The following WDR25 variants were observed in gnomAD, a reference collection of about 807,000 sequenced individuals.
WDR25 encodes the protein WD repeat-containing protein 25.
In WDR25, 35 loss-of-function variants were observed where a neutral mutation model predicts 47.7. That is an observed-to-expected ratio of 0.73 (90% CI 0.56 to 0.97). The LOEUF is 0.97. Among genes scored for constraint, WDR25 ranks in the 50% least tolerant of loss-of-function variants. The pLI is 0.00. For synonymous variants in WDR25, 248 were observed against 278.9 expected, an observed-to-expected ratio of 0.89 and a Z score of 1.10; for missense variants, 634 against 704.7, an observed-to-expected ratio of 0.90 and a Z score of 1.14.
intron 2 of WDR25, among the ~76,000 whole-genome samples, chr14:100,408,513 C>G (rs1429815131): frequency 6.6e-6 from 1 of 152,002 alleles, no homozygotes; most frequent in African/African-American, 2.4e-5. Context: ...CCCTCCAGCG[C>G]CCCCTCTGTG....
intron 4 of WDR25, among the ~76,000 whole-genome samples, chr14:100,516,204 C>A (rs1476833460): frequency 2.6e-5 from 4 of 152,080 alleles, no homozygotes; most frequent in South Asian, 4.1e-4. Context: ...TTTGGTGGAA[C>A]AAAAACAGCC....
chr14:100,393,873 T>C (rs918734585), intron 2 of WDR25, among the ~76,000 whole-genome samples: 3 of 152,178 alleles, frequency 2.0e-5, no homozygotes, highest in Non-Finnish European at 2.9e-5. Context: ...CCTGAAATAC[T>C]GCACTTTACT....
At chr14:100,447,300 T>C (rs986188881) in intron 2 of WDR25, among the ~76,000 whole-genome samples, 7 of 152,242 alleles carry the variant, frequency 4.6e-5, no homozygotes, top group Admixed American at 3.3e-4. Context: ...AGAAATGGAC[T>C]GGAGACCCAT....
At chr14:100,382,112 G>A (rs977786132) in intron 2 of WDR25, 3 of 703,020 alleles carry the variant, frequency 4.3e-6, no homozygotes, top group Admixed American at 4.0e-5. Context: ...TGCCAGCTCT[G>A]TGCCTGGTGC....
At chr14:100,509,843 A>C (rs1327945458) in intron 4 of WDR25, among the ~76,000 whole-genome samples, 1 of 152,116 alleles carries the variant, frequency 6.6e-6, no homozygotes, top group African/African-American at 2.4e-5. Context: ...TGGATAATCA[A>C]ATTTCTGCAG....
intron 4 of WDR25, among the ~76,000 whole-genome samples, chr14:100,518,849 G>A (rs888250058): frequency 5.3e-5 from 8 of 151,470 alleles, no homozygotes; most frequent in Non-Finnish European, 7.4e-5. Context: ...AGCCAAGATC[G>A]TGCCACTGCA....
At chr14:100,472,667 T>A (rs1264694925) in intron 3 of WDR25, among the ~76,000 whole-genome samples, 1 of 152,248 alleles carries the variant, frequency 6.6e-6, no homozygotes, top group East Asian at 1.9e-4. Flanking sequence ...CTTACAGATG[T>A]GCTGTTGGTC....
intron 2 of WDR25, among the ~76,000 whole-genome samples, chr14:100,453,418 G>C (rs1899103397): frequency 6.6e-6 from 1 of 152,160 alleles, no homozygotes; most frequent in Non-Finnish European, 1.5e-5. Flanking sequence ...TACTTCATAG[G>C]GCTGTGGAGA....
chr14:100,457,529 G>A (rs992358735), intron 2 of WDR25, among the ~76,000 whole-genome samples: 1 of 152,182 alleles, frequency 6.6e-6, no homozygotes, highest in Non-Finnish European at 1.5e-5. Flanking sequence ...AAGTGATTTC[G>A]CCGTCAGCAA....
chr14:100,463,332 T>G (rs1443758414), intron 2 of WDR25, among the ~76,000 whole-genome samples: 1 of 152,218 alleles, frequency 6.6e-6, no homozygotes, highest in East Asian at 1.9e-4. Context: ...GTGTGTCTGT[T>G]CTCATTCTCA....
rs559582263 is a variant in WDR25, at chr14:100,430,575, C to G, written c.823-37446C>G. Among the ~76,000 whole-genome samples, 2 of 152,288 alleles carry G rather than the reference C, an allele frequency of 1.3e-5. No homozygotes were observed. The highest frequency in any genetic ancestry group is 4.8e-5 in the African/African-American group (2 of 41,548). On this transcript the variant is annotated intron_variant, in intron 2 of 6. Transcript: ENST00000402312. This position sits in a 1 kb window ranked among gnomAD's most constrained non-coding sequence, Gnocchi z 4.7. ...CGGCTAGTCTTGATGTGCAAAATGG[C>G]TTCATGTACTGATAACCTCGTACCT...
At chr14:100,527,103 G>A (rs903663967) in intron 5 of WDR25, among the ~76,000 whole-genome samples, 4 of 148,326 alleles carry the variant, frequency 2.7e-5, no homozygotes, top group South Asian at 2.2e-4. Context: ...GATCACTGCC[G>A]TCATTACACC....
intron 2 of WDR25, among the ~76,000 whole-genome samples, chr14:100,446,128 G>T (rs1898824978): frequency 6.6e-6 from 1 of 152,214 alleles, no homozygotes; most frequent in South Asian, 2.1e-4. Flanking sequence ...GGGAAGGGTA[G>T]CCATGAAGCT....
intron 4 of WDR25, among the ~76,000 whole-genome samples, chr14:100,509,009 A>G (rs1211351702): frequency 6.6e-6 from 1 of 152,144 alleles, no homozygotes; most frequent in Non-Finnish European, 1.5e-5. Flanking sequence ...TTTAAAATCT[A>G]TGTTAATGAG....
intron 4 of WDR25, among the ~76,000 whole-genome samples, chr14:100,512,634 GA>G (rs1281311718): frequency 6.6e-6 from 1 of 151,968 alleles, no homozygotes; most frequent in Non-Finnish European, 1.5e-5. Flanking sequence ...CAAAAACCTT[GA>G]ATTTAATTTT....
At chr14:100,377,173 C>T (rs1343282696) in intron 1 of WDR25, among the ~76,000 whole-genome samples, 1 of 152,214 alleles carries the variant, frequency 6.6e-6, no homozygotes, top group Non-Finnish European at 1.5e-5. Flanking sequence ...CGGGACCAGG[C>T]TTAGCATTTA....
In WDR25 at chr14:100,392,401, A is replaced by G. The variant is rs988001550; in HGVS notation, c.822+10655A>G. ...GTTAGCTCTCCAAACTGTGTGATGA[A>G]AACGTGATCCCAGGGGTCCAAGCCT... On this transcript the variant is annotated intron_variant, in intron 2 of 6. Transcript: ENST00000402312. The surrounding 1 kb of genome is among the most constrained non-coding windows in gnomAD (Gnocchi z 4.2). Among the ~76,000 whole-genome samples, 5 of 151,674 alleles carry G rather than the reference A, an allele frequency of 3.3e-5. No individual in the cohort carries two copies. The highest frequency in any genetic ancestry group is 1.2e-4 in the African/African-American group (5 of 41,240).
At chr14:100,417,475 A>G (rs776056988) in intron 2 of WDR25, among the ~76,000 whole-genome samples, 30 of 151,994 alleles carry the variant, frequency 2.0e-4, no homozygotes, top group Non-Finnish European at 4.0e-4. Flanking sequence ...TCCAACCCCC[A>G]CCATCCTGTT....
rs1229768394 is a variant in WDR25 at position 100,381,379 on chromosome 14, G to GT, written c.456dup (p.Glu153Ter). The GT allele has an allele frequency of 6.2e-7, 1 of 1,614,120 alleles. No homozygotes were observed. Among genetic ancestry groups the GT allele is most frequent in the Non-Finnish European group, 8.5e-7 (1 of 1,180,048 alleles). On this transcript the variant is annotated frameshift_variant, in exon 2 of 7. Coordinates refer to ENST00000402312, the MANE Select transcript of WDR25 (RefSeq NM_001161476.3). LOFTEE classifies it high-confidence loss of function. ...CCCAAGTCATCTTTCCATGCTCAAA[G>GT]TGAGTCTGAAACCGTAGGTAAAAAT...
Sources: allele counts gnomAD v4.1 joint callset (sites outside exome capture counted in the v4.1 genomes callset), GRCh38; gene constraint gnomAD v4.1.1; non-coding constraint Gnocchi (gnomAD v3.1); transcripts MANE v1.5; gene names NCBI Gene and HGNC (gene_info 2026-07-23, HGNC 2026-07-21).